The following NDRG3 variants were observed in gnomAD, a reference collection of about 807,000 sequenced individuals.
The protein encoded by NDRG3 is NDRG family member 3.
Under a neutral mutation model 57.2 loss-of-function variants are expected in NDRG3, and 23 were observed. That is an observed-to-expected ratio of 0.40 (90% CI 0.29 to 0.57). The LOEUF (loss-of-function observed/expected upper bound fraction) is 0.57, where lower values mean the gene tolerates loss of function less well. Among genes scored for constraint, NDRG3 ranks in the 20% least tolerant of loss-of-function variants. The pLI is 0.42. For synonymous variants in NDRG3, 132 were observed against 162.6 expected (o/e 0.81, Z 1.43); for missense variants, 384 against 457.3 (o/e 0.84, Z 1.46).
At chr20:36,689,326 G>A (rs1298544368) in intron 3 of NDRG3, among the ~76,000 whole-genome samples, 2 of 152,198 alleles carry the variant, frequency 1.3e-5, no homozygotes, top group South Asian at 4.1e-4. Context: ...GCTCACTTAC[G>A]AGCCCAGGGA....
chr20:36,684,471 G>T lies in NDRG3; in HGVS notation c.325C>A (p.Gln109Lys). The T allele has an allele frequency of 6.2e-7, 1 of 1,613,522 alleles. No individual in the cohort carries two copies. ...EGAPSFPTGY[Q>K]YPTMDELAEM... ...GCCAGCTCATCCATTGTGGGGTACT[G>T]ATACCTGCAATCCAGAAGGATATCT... is the stretch of plus-strand genomic sequence containing the variant. Residue 109 changes from glutamine (Q) to lysine (K), a missense_variant, in exon 6 of 16, where the codon CAG becomes AAG. Transcript: ENST00000349004.
chr20:36,733,556 C>A (rs1985452196), intron 1 of NDRG3, among the ~76,000 whole-genome samples: 1 of 151,908 alleles, frequency 6.6e-6, no homozygotes, highest in Admixed American at 6.6e-5. Flanking sequence ...AACCCCGTCT[C>A]TACTAAATAT....
chr20:36,727,698 C>T (rs967659197), intron 1 of NDRG3, among the ~76,000 whole-genome samples: 1 of 151,648 alleles, frequency 6.6e-6, no homozygotes, highest in Admixed American at 6.6e-5. Flanking sequence ...CCCGCCACCA[C>T]GCCCGGCTAA....
At chr20:36,699,898 G>A (rs544664710) in intron 3 of NDRG3, among the ~76,000 whole-genome samples, 2 of 152,044 alleles carry the variant, frequency 1.3e-5, no homozygotes, top group Admixed American at 6.6e-5. Flanking sequence ...TGAGGCAGGC[G>A]GATCACGAGG....
chr20:36,731,428 A>T (rs1011792127), intron 1 of NDRG3, among the ~76,000 whole-genome samples: 3 of 152,314 alleles, frequency 2.0e-5, no homozygotes, highest in Admixed American at 6.5e-5. Context: ...TTGGACAGTA[A>T]AAGTCAGTGG....
intron 3 of NDRG3, among the ~76,000 whole-genome samples, chr20:36,690,357 C>G (rs879022574): frequency 5.1e-5 from 6 of 117,452 alleles, no homozygotes; most frequent in East Asian, 2.6e-4. Flanking sequence ...CTCAGGAACC[C>G]AATAGAGCAG....
chr20:36,717,956 C>A (rs907213037), intron 2 of NDRG3, among the ~76,000 whole-genome samples: 1 of 152,178 alleles, frequency 6.6e-6, no homozygotes, highest in African/African-American at 2.4e-5. Context: ...AATTATCCAA[C>A]CCAAAACATC....
rs1210247987 is a variant in NDRG3, at chr20:36,684,473, T to G, written c.323A>C (p.Tyr108Ser). 1.9e-6 allele frequency: 3 copies of G among 1,613,418 alleles called. No homozygotes were observed. In the South Asian group the frequency reaches 3.3e-5, roughly 18 times the overall value. ...CAGCTCATCCATTGTGGGGTACTGA[T>G]ACCTGCAATCCAGAAGGATATCTCC... The part of the protein sequence containing the change: ...QEGAPSFPTG[Y>S]QYPTMDELAE... Residue 108 changes from tyrosine (Y) to serine (S), a missense_variant and splice_region_variant, in exon 6 of 16, where the codon TAT (tyrosine) becomes TCT (serine). Physicochemically the swap from Tyr to Ser is moderately radical, Grantham distance 144. Transcript: ENST00000349004.
chr20:36,664,512 C>T (rs191576402), intron 12 of NDRG3, among the ~76,000 whole-genome samples: 1 of 152,152 alleles, frequency 6.6e-6, no homozygotes, highest in South Asian at 2.1e-4. Context: ...AGTTGTACTA[C>T]TTGCCACAAA....
intron 3 of NDRG3, among the ~76,000 whole-genome samples, chr20:36,703,234 C>T (rs1235042363): frequency 2.6e-5 from 4 of 151,818 alleles, no homozygotes; most frequent in South Asian, 2.1e-4. Flanking sequence ...GTATACTACA[C>T]GTGTATATAT....
chr20:36,654,900 C>A, intron 15 of NDRG3: 1 of 778,698 alleles, frequency 1.3e-6, no homozygotes. Context: ...CAAGTGGCAA[C>A]CTCAGCTGCC....
rs560116629 is a variant in NDRG3 at position 36,743,498 on chromosome 20, A to AAAT, written c.-49+2544_-49+2546dup. ...AACAAGAGCGAAACTCCGTCTCAAAAAATAATAATAATAATAATAAAACAA... is the reference window on the plus strand; with the variant it reads ...AACAAGAGCGAAACTCCGTCTCAAAAAATAATAATAATAATAATAATAAAACAA... On this transcript the variant is annotated intron_variant, in intron 1 of 15. Coordinates refer to ENST00000349004, the MANE Select transcript of NDRG3 (RefSeq NM_032013.4). 7.9e-3 allele frequency among the ~76,000 whole-genome samples: 1,180 copies of AAAT among 148,884 alleles called. 11 individuals carry two copies. Among genetic ancestry groups the AAAT allele is most frequent in the African/African-American group, 0.02 (814 of 40,238 alleles).
At chr20:36,693,749 T>C (rs963875921) in intron 3 of NDRG3, among the ~76,000 whole-genome samples, 1 of 151,720 alleles carries the variant, frequency 6.6e-6, no homozygotes, top group African/African-American at 2.4e-5. Flanking sequence ...TGATGATCTA[T>C]CACTGTCTCC....
rs557454182 is a variant in NDRG3 at position 36,724,002 on chromosome 20, C to T, written c.-48-2219G>A. Among the ~76,000 whole-genome samples, 5 of 152,218 alleles carry T rather than the reference C, an allele frequency of 3.3e-5. No individual in the cohort carries two copies. The East Asian group carries it at 7.7e-4, about 23-fold the overall frequency. On this transcript the variant is annotated intron_variant, in intron 1 of 15. Coordinates refer to ENST00000349004, the MANE Select transcript of NDRG3 (RefSeq NM_032013.4). Reference sequence around the variant, plus strand: ...GATCACAGGCGTGAGCCACTGCGCCCGGCCTAGTGTACTATATTAATCCAC... The same window carrying T: ...GATCACAGGCGTGAGCCACTGCGCCTGGCCTAGTGTACTATATTAATCCAC...
intron 2 of NDRG3, among the ~76,000 whole-genome samples, chr20:36,714,720 T>C (rs1257039079): frequency 6.6e-6 from 1 of 151,382 alleles, no homozygotes; most frequent in Non-Finnish European, 1.5e-5. Flanking sequence ...TTCACGCCAT[T>C]CTCCTGCCTC....
At chr20:36,701,800 G>A (rs772256739) in intron 3 of NDRG3, among the ~76,000 whole-genome samples, 14 of 149,910 alleles carry the variant, frequency 9.3e-5, no homozygotes, top group Admixed American at 2.0e-4. Flanking sequence ...CACCTGCCTC[G>A]GCCTCCTAAA....
chr20:36,675,917 A>G (rs998198314), intron 8 of NDRG3, among the ~76,000 whole-genome samples: 16 of 152,202 alleles, frequency 1.1e-4, no homozygotes, highest in Non-Finnish European at 2.1e-4. Context: ...ACGGCAATGT[A>G]AAAGTACTGA....
intron 12 of NDRG3, among the ~76,000 whole-genome samples, chr20:36,663,523 A>C (rs1979376089): frequency 6.6e-6 from 1 of 152,248 alleles, no homozygotes; most frequent in African/African-American, 2.4e-5. Context: ...TAATCAAATA[A>C]ATGCAAATTA....
rs762045755 is a variant in NDRG3 at position 36,724,656 on chromosome 20, G to A, written c.-48-2873C>T. Among the ~76,000 whole-genome samples the A allele has an allele frequency of 5.2e-4, 79 of 152,048 alleles. 2 individuals carry two copies. The highest frequency in any genetic ancestry group is 2.1e-4 in the Non-Finnish European group (14 of 68,010). On this transcript the variant is annotated intron_variant, in intron 1 of 15. Coordinates refer to ENST00000349004, the MANE Select transcript of NDRG3 (RefSeq NM_032013.4). ...TTAAAAGCGTTTTCCGGCCGGGCCCGGTGGCTCGCACCTGTAATCCCAGCA... is the reference window on the plus strand; with the variant it reads ...TTAAAAGCGTTTTCCGGCCGGGCCCAGTGGCTCGCACCTGTAATCCCAGCA...
Sources: gnomAD v4.1 joint callset for allele counts (sites outside exome capture counted in the v4.1 genomes callset) on GRCh38, gnomAD v4.1.1 for gene constraint, MANE v1.5 for transcripts, NCBI Gene and HGNC (gene_info 2026-07-23, HGNC 2026-07-21) for gene names.